Variants in PCDH11X observed in about 807,000 individuals in gnomAD.
PCDH11X encodes protocadherin-11 X-linked.
PCDH11X carries 18 observed loss-of-function variants against 53.3 expected under a neutral mutation model. The ratio of observed to expected loss-of-function variants is 0.34; its 90% CI spans 0.23 to 0.50. PCDH11X has a LOEUF of 0.50. Among genes scored for constraint, PCDH11X ranks in the 20% least tolerant of loss-of-function variants. The probability of loss-of-function intolerance (pLI) is 0.98; values close to 1 mark genes in which losing one functional copy is unlikely to be tolerated. For synonymous variants in PCDH11X, 279 were observed against 393.3 expected (o/e 0.71, Z 3.44); for missense variants, 570 against 1,032.4 (o/e 0.55, Z 6.14).
chrX:92,106,371 A>G (rs2064384406), intron 6 of PCDH11X, among the ~76,000 whole-genome samples: 2 of 110,242 alleles, frequency 1.8e-5, no homozygotes, highest in South Asian at 3.8e-4. Flanking sequence ...GGCTATGTTT[A>G]CTCAGACATT....
intron 6 of PCDH11X, among the ~76,000 whole-genome samples, chrX:92,120,150 T>C (rs1191844497): frequency 2.5e-3 from 224 of 90,594 alleles, no homozygotes; most frequent in Non-Finnish European, 3.2e-3. Flanking sequence ...TTCTAACTTT[T>C]CTTTCTTTTT....
rs556705373 is a variant in PCDH11X at position 91,817,464 on chromosome X, C to T, written c.-45+6169C>T. On this transcript the variant is annotated intron_variant, in intron 4 of 10. Transcript: ENST00000682573. Reference sequence around the variant, plus strand: ...CTGCCTATGAATTGGATATTCTAGCCATCATTTCACTGTCCTGGGTGCAGG... The same window carrying T: ...CTGCCTATGAATTGGATATTCTAGCTATCATTTCACTGTCCTGGGTGCAGG... Among the ~76,000 whole-genome samples the T allele has an allele frequency of 8.6e-4, 93 of 108,151 alleles. No homozygotes were observed. In the South Asian group the frequency reaches 0.039, roughly 45 times the overall value. 93.9% of individuals were successfully genotyped at this position (108,151 alleles called of 115,157 possible).
chrX:92,162,656 A>G (rs1198879610), intron 6 of PCDH11X, among the ~76,000 whole-genome samples: 1 of 103,866 alleles, frequency 9.6e-6, no homozygotes, highest in Non-Finnish European at 2.0e-5. Context: ...GGTACTGGGG[A>G]TTGTCTGCAC....
At chrX:91,894,910 C>T (rs1338880133) in intron 6 of PCDH11X, among the ~76,000 whole-genome samples, 2 of 110,772 alleles carry the variant, frequency 1.8e-5, no homozygotes, top group Non-Finnish European at 3.8e-5. Context: ...GAGACTTGTC[C>T]TATTAACACA....
chrX:91,922,592 A>C (rs1182808342), intron 6 of PCDH11X, among the ~76,000 whole-genome samples: 1 of 112,064 alleles, frequency 8.9e-6, no homozygotes, highest in Non-Finnish European at 1.9e-5. Flanking sequence ...CTGCTGTCAG[A>C]TCAGTGATGG....
intron 6 of PCDH11X, among the ~76,000 whole-genome samples, chrX:92,058,116 C>T (rs1364118576): frequency 9.5e-6 from 1 of 104,975 alleles, no homozygotes; most frequent in Non-Finnish European, 1.9e-5. Flanking sequence ...GAGACAGTCA[C>T]ATGGCTGGAT....
intron 6 of PCDH11X, among the ~76,000 whole-genome samples, chrX:91,964,823 G>A (rs372263393): frequency 5.4e-5 from 6 of 111,112 alleles, no homozygotes; most frequent in East Asian, 5.7e-4. Context: ...ACTAGGGTAC[G>A]GGCTTCAACC....
rs914696896 is a variant in PCDH11X, at chrX:92,556,671, G to A, written c.3368-61593G>A. On this transcript the variant is annotated intron_variant, in intron 10 of 10. Transcript: ENST00000682573. The stretch of plus-strand genomic sequence containing the variant: ...CACAGGCTGGAATTTACTGTCTGCA[G>A]CTTTTCCAGGTGCACATTGCAATCT... Among the ~76,000 whole-genome samples the A allele has an allele frequency of 2.7e-5, 3 of 111,196 alleles. No homozygotes were observed. The Admixed American group carries it at 2.9e-4, about 11-fold the overall frequency.
At chrX:92,612,868 G>GTAA (rs1927532997) in intron 10 of PCDH11X, among the ~76,000 whole-genome samples, 1 of 110,338 alleles carries the variant, frequency 9.1e-6, no homozygotes, top group South Asian at 3.9e-4. Flanking sequence ...TAACCATTAT[G>GTAA]TAATACCCTT....
chrX:91,839,532 A>G (rs1483026661), intron 5 of PCDH11X, among the ~76,000 whole-genome samples: 25 of 108,609 alleles, frequency 2.3e-4, no homozygotes, highest in Admixed American at 1.9e-3. Flanking sequence ...TGAATTCGGG[A>G]GGCAGAGGTT....
intron 7 of PCDH11X, among the ~76,000 whole-genome samples, chrX:92,237,865 A>G (rs1168937606): frequency 8.9e-6 from 1 of 111,893 alleles, no homozygotes; most frequent in Non-Finnish European, 1.9e-5. Context: ...GCAACTTGTC[A>G]GGGCAGAATA....
At chrX:91,946,666 G>T in intron 6 of PCDH11X, among the ~76,000 whole-genome samples, 1 of 95,067 alleles carries the variant, frequency 1.1e-5, no homozygotes, top group Non-Finnish European at 2.1e-5. Context: ...GACGGGTTGA[G>T]GCAATATATA....
chrX:91,922,852 T>A (rs1329102724), intron 6 of PCDH11X, among the ~76,000 whole-genome samples: 1 of 110,658 alleles, frequency 9.0e-6, no homozygotes. Flanking sequence ...TTAAATCACT[T>A]TTGCAGCATA....
chrX:91,955,048 T>C (rs1280322055), intron 6 of PCDH11X, among the ~76,000 whole-genome samples: 1 of 111,542 alleles, frequency 9.0e-6, no homozygotes, highest in Non-Finnish European at 1.9e-5. Context: ...TCCTAAATCA[T>C]ACTGCCTAGA....
At chrX:92,114,398 C>T (rs1330234955) in intron 6 of PCDH11X, 30 of 1,039,837 alleles carry the variant, frequency 2.9e-5, no homozygotes, top group East Asian at 9.1e-5. Flanking sequence ...CTCTCGATGA[C>T]GCCTTCGGGC....
At chrX:92,161,216 G>C (rs1418666826) in intron 6 of PCDH11X, among the ~76,000 whole-genome samples, 2 of 111,334 alleles carry the variant, frequency 1.8e-5, no homozygotes, top group African/African-American at 6.5e-5. Context: ...GCTTGGTAGT[G>C]GCAAATTCTC....
rs746666479 is a variant in PCDH11X, at chrX:91,866,481, C to T, written c.541-10300C>T. ...TCCCTCTGTGGGCGATTGTCAGCTG[C>T]GTTTGGTCTGGTATTTCTTTCTGCT... On this transcript the variant is annotated intron_variant, in intron 5 of 10. Coordinates refer to ENST00000682573, the MANE Select transcript of PCDH11X (RefSeq NM_032968.5). 2.5e-4 allele frequency among the ~76,000 whole-genome samples: 28 copies of T among 110,622 alleles called. No homozygotes were observed. The East Asian group carries it at 7.5e-3, about 30-fold the overall frequency.
chrX:92,181,793 G>A (rs1015509160), intron 6 of PCDH11X, among the ~76,000 whole-genome samples: 3 of 112,616 alleles, frequency 2.7e-5, no homozygotes, highest in Non-Finnish European at 5.6e-5. Flanking sequence ...TGAGTCTTGG[G>A]AACATCTGCC....
chrX:92,149,747 C>A (rs1313143169), intron 6 of PCDH11X, among the ~76,000 whole-genome samples: 1 of 110,535 alleles, frequency 9.0e-6, no homozygotes, highest in Non-Finnish European at 1.9e-5. Flanking sequence ...CAATACTTTC[C>A]TTCTTGCCTT....
Sources: gnomAD v4.1 joint callset for allele counts (sites outside exome capture counted in the v4.1 genomes callset) on GRCh38, gnomAD v4.1.1 for gene constraint, MANE v1.5 for transcripts, NCBI Gene and HGNC (gene_info 2026-07-23, HGNC 2026-07-21) for gene names.